LHFPL3: variants seen among roughly 807,000 people sequenced by gnomAD.
LHFPL3 encodes the protein LHFPL tetraspan subfamily member 3 protein.
In LHFPL3, 5 loss-of-function variants were observed where a neutral mutation model predicts 19.3. That is an observed-to-expected ratio of 0.26 (90% confidence interval 0.14 to 0.54). LHFPL3 has a LOEUF of 0.54. LHFPL3 is among the 20% of genes least tolerant of loss of function. The pLI is 0.94. For synonymous variants in LHFPL3, 133 were observed against 126.2 expected (o/e 1.05, Z -0.36); for missense variants, 249 against 307.4 (o/e 0.81, Z 1.42).
intron 2 of LHFPL3, among the ~76,000 whole-genome samples, chr7:104,903,456 G>A (rs1436136978): frequency 6.9e-6 from 1 of 145,000 alleles, no homozygotes; most frequent in African/African-American, 2.6e-5. Flanking sequence ...CATCCTTCTA[G>A]TTATACTTTT....
Position 104,796,082 on chromosome 7 carries a change from G to A in LHFPL3, c.682+59171G>A, listed in dbSNP as rs555163934. On this transcript the variant is annotated intron_variant, in intron 2 of 2. Coordinates refer to ENST00000424859, the MANE Select transcript of LHFPL3 (RefSeq NM_199000.3). Reference sequence around the variant, plus strand: ...TCACTCTTCAGCTCACGTATGGGATGTGATGGGATTTTTCAATAGCAGCTT... The same window carrying A: ...TCACTCTTCAGCTCACGTATGGGATATGATGGGATTTTTCAATAGCAGCTT... Among the ~76,000 whole-genome samples, 313 of 152,334 alleles carry A rather than the reference G, an allele frequency of 2.1e-3. 1 individual carries two copies. Among genetic ancestry groups the A allele is most frequent in the African/African-American group, 7.3e-3 (305 of 41,578 alleles).
chr7:104,576,270 C>T (rs1016452494), intron 1 of LHFPL3, among the ~76,000 whole-genome samples: 1 of 152,130 alleles, frequency 6.6e-6, no homozygotes, highest in Non-Finnish European at 1.5e-5. Context: ...GGAAGGAAAA[C>T]ATCATCACCG....
At chr7:104,638,456 T>G (rs768774891) in intron 1 of LHFPL3, among the ~76,000 whole-genome samples, 5 of 152,146 alleles carry the variant, frequency 3.3e-5, no homozygotes, top group African/African-American at 7.2e-5. Context: ...CAGGGCATCC[T>G]TGTCTTGTGC....
chr7:104,577,045 A>G lies in LHFPL3; in HGVS notation c.446-159630A>G, dbSNP rs114299773. Among the ~76,000 whole-genome samples, 517 of 152,330 alleles carry G rather than the reference A, an allele frequency of 3.4e-3. 5 individuals carry two copies. The highest frequency in any genetic ancestry group is 0.011 in the African/African-American group (443 of 41,582). On this transcript the variant is annotated intron_variant, in intron 1 of 2. Transcript: ENST00000424859. ...TTTCACTCTTATAAGGCACTTCAAA[A>G]TCAGCAGAATCTGATAGCCTCAGCT...
chr7:104,357,034 TC>T (rs1324124641), intron 1 of LHFPL3, among the ~76,000 whole-genome samples: 3 of 54,086 alleles, frequency 5.5e-5, no homozygotes, highest in African/African-American at 8.5e-5. Context: ...CCCAAATTAC[TC>T]AAACTATTGA....
chr7:104,508,191 A>G (rs1364602371), intron 1 of LHFPL3, among the ~76,000 whole-genome samples: 1 of 152,144 alleles, frequency 6.6e-6, no homozygotes, highest in Non-Finnish European at 1.5e-5. Context: ...TCACGATCGC[A>G]AACACTTGGA....
At chr7:104,542,351 C>G (rs552875095) in intron 1 of LHFPL3, among the ~76,000 whole-genome samples, 1 of 152,172 alleles carries the variant, frequency 6.6e-6, no homozygotes, top group Non-Finnish European at 1.5e-5. Flanking sequence ...TCTCAGTGGT[C>G]TTAAGGATCC....
intron 2 of LHFPL3, among the ~76,000 whole-genome samples, chr7:104,873,895 G>A (rs929319034): frequency 1.6e-4 from 25 of 152,308 alleles, no homozygotes; most frequent in East Asian, 1.9e-4. Flanking sequence ...CCCTCAGAAC[G>A]TATGATGAAG....
In LHFPL3 at chr7:104,618,360, G is replaced by T. The variant is rs1791386331; in HGVS notation, c.446-118315G>T. Among the ~76,000 whole-genome samples the T allele has an allele frequency of 2.0e-5, 3 of 152,102 alleles. No homozygotes were observed. The South Asian group carries it at 6.2e-4, about 32-fold the overall frequency. On this transcript the variant is annotated intron_variant, in intron 1 of 2. Coordinates refer to ENST00000424859, the MANE Select transcript of LHFPL3 (RefSeq NM_199000.3). ...CAACATTGACTCATATGATCTTCAT[G>T]ACAACTCTATGGGGAAAATACTATT...
intron 1 of LHFPL3, among the ~76,000 whole-genome samples, chr7:104,728,159 A>G (rs1229642078): frequency 6.6e-6 from 1 of 152,176 alleles, no homozygotes; most frequent in Non-Finnish European, 1.5e-5. Context: ...GAGTTCTCCC[A>G]GGCAGTCTTT....
chr7:104,333,479 G>A (rs1051907828), intron 1 of LHFPL3, among the ~76,000 whole-genome samples: 1 of 152,160 alleles, frequency 6.6e-6, no homozygotes, highest in Admixed American at 6.5e-5. Flanking sequence ...ATCATTCTGA[G>A]TGTACCAGCA....
At chr7:104,493,006 T>C (rs956608986) in intron 1 of LHFPL3, among the ~76,000 whole-genome samples, 1 of 152,236 alleles carries the variant, frequency 6.6e-6, no homozygotes, top group African/African-American at 2.4e-5. Flanking sequence ...AATTCTCCTT[T>C]ATTCCATATT....
intron 1 of LHFPL3, among the ~76,000 whole-genome samples, chr7:104,483,703 A>T (rs1016421409): frequency 2.6e-5 from 4 of 152,028 alleles, no homozygotes; most frequent in Non-Finnish European, 5.9e-5. Context: ...GCAGCCTCAA[A>T]CTCCTGGGCT....
intron 1 of LHFPL3, among the ~76,000 whole-genome samples, chr7:104,479,812 G>A (rs184012198): frequency 1.4e-4 from 22 of 152,238 alleles, no homozygotes; most frequent in African/African-American, 4.6e-4. Flanking sequence ...TCTGTTTTCC[G>A]GTCCAAACCT....
At chr7:104,876,332 A>G (rs578244513) in intron 2 of LHFPL3, among the ~76,000 whole-genome samples, 21 of 152,234 alleles carry the variant, frequency 1.4e-4, no homozygotes, top group Non-Finnish European at 2.5e-4. Context: ...CTACCATCAG[A>G]GTGAACAGGC....
At position 104,642,796 on chromosome 7, in the gene LHFPL3, G is replaced by A. The variant is rs566522356; in HGVS notation, c.446-93879G>A. 2.0e-5 allele frequency among the ~76,000 whole-genome samples: 3 copies of A among 152,290 alleles called. No homozygotes were observed. In the South Asian group the frequency reaches 6.2e-4, roughly 32 times the overall value. ...CCAGATCCGTCAGAAGGCAGCTGGTGGAAGCCTAAGCCCCTGAAGGTTCCC... is the reference window on the plus strand; with the variant it reads ...CCAGATCCGTCAGAAGGCAGCTGGTAGAAGCCTAAGCCCCTGAAGGTTCCC... On this transcript the variant is annotated intron_variant, in intron 1 of 2. Transcript: ENST00000424859.
intron 1 of LHFPL3, among the ~76,000 whole-genome samples, chr7:104,445,828 A>G (rs992740326): frequency 2.0e-5 from 3 of 152,156 alleles, no homozygotes; most frequent in African/African-American, 7.2e-5. Context: ...CATCCCACCT[A>G]TCTCAACATC....
At chr7:104,489,008 C>A (rs1398868463) in intron 1 of LHFPL3, among the ~76,000 whole-genome samples, 1 of 152,106 alleles carries the variant, frequency 6.6e-6, no homozygotes, top group African/African-American at 2.4e-5. Context: ...CAGAAGGGAC[C>A]CCCACTTGGT....
intron 1 of LHFPL3, among the ~76,000 whole-genome samples, chr7:104,409,134 C>G (rs1180088349): frequency 6.6e-6 from 1 of 151,812 alleles, no homozygotes; most frequent in Admixed American, 6.6e-5. Context: ...CCTCGGCCTC[C>G]CAAAATGCTG....
Sources: allele counts gnomAD v4.1 joint callset (sites outside exome capture counted in the v4.1 genomes callset), GRCh38; gene constraint gnomAD v4.1.1; transcripts MANE v1.5; gene names NCBI Gene and HGNC (gene_info 2026-07-23, HGNC 2026-07-21).